KHDRBS2: variants seen among roughly 807,000 people sequenced by gnomAD.
KHDRBS2 encodes KH domain-containing, RNA-binding, signal transduction-associated protein 2.
KHDRBS2 carries 26 observed loss-of-function variants against 44.3 expected under a neutral mutation model. That is an observed-to-expected ratio of 0.59 (90% CI 0.43 to 0.81). KHDRBS2 has a LOEUF of 0.81. Among genes scored for constraint, KHDRBS2 ranks in the 40% least tolerant of loss-of-function variants. KHDRBS2 has a pLI of 0.00. For synonymous variants in KHDRBS2, 194 were observed against 151.1 expected, an observed-to-expected ratio of 1.28 and a Z score of -2.08; for missense variants, 476 against 433.1, an observed-to-expected ratio of 1.10 and a Z score of -0.88.
chr6:61,873,377 C>A (rs1207662157), intron 6 of KHDRBS2, among the ~76,000 whole-genome samples: 1 of 151,306 alleles, frequency 6.6e-6, no homozygotes, highest in Admixed American at 6.6e-5. Flanking sequence ...GTAGCAACAC[C>A]CAATAAATTT....
At chr6:62,131,302 CTTAA>C (rs1810259555) in intron 2 of KHDRBS2, among the ~76,000 whole-genome samples, 1 of 152,118 alleles carries the variant, frequency 6.6e-6, no homozygotes, top group Non-Finnish European at 1.5e-5. Flanking sequence ...GAAATATTTC[CTTAA>C]TTAAATCGTT....
chr6:61,967,502 T>C (rs1471042846), intron 4 of KHDRBS2, among the ~76,000 whole-genome samples: 1 of 151,772 alleles, frequency 6.6e-6, no homozygotes, highest in Non-Finnish European at 1.5e-5. Flanking sequence ...GGGTGGGCTG[T>C]AGCTGAAAGG....
chr6:62,068,279 T>C (rs1346388631), intron 2 of KHDRBS2, among the ~76,000 whole-genome samples: 2 of 151,614 alleles, frequency 1.3e-5, no homozygotes, highest in African/African-American at 2.4e-5. Flanking sequence ...GAAAATGATA[T>C]TGAACATCTT....
intron 6 of KHDRBS2, among the ~76,000 whole-genome samples, chr6:61,792,200 A>G (rs78504238): frequency 0.064 from 9,748 of 151,616 alleles, 407 homozygotes; most frequent in Middle Eastern, 0.13. Context: ...ACTTTACAAC[A>G]TTAGAACATT....
the KHDRBS2 span, among the ~76,000 whole-genome samples, chr6:61,605,558 C>A: frequency 6.6e-6 from 1 of 152,040 alleles, no homozygotes; most frequent in Non-Finnish European, 1.5e-5. Flanking sequence ...TTTTTTAATT[C>A]ATATAAAACC....
chr6:61,976,332 A>G (rs1370877239), intron 4 of KHDRBS2, among the ~76,000 whole-genome samples: 3 of 152,260 alleles, frequency 2.0e-5, no homozygotes, highest in South Asian at 4.1e-4. Flanking sequence ...CACACAGTAT[A>G]TATTTCAGTG....
At chr6:61,635,715 C>A in the KHDRBS2 span, among the ~76,000 whole-genome samples, 1 of 151,990 alleles carries the variant, frequency 6.6e-6, no homozygotes, top group African/African-American at 2.4e-5. Flanking sequence ...TACATACCTA[C>A]TATCCATGTT....
chr6:62,098,838 A>AT (rs1801227665), intron 2 of KHDRBS2, among the ~76,000 whole-genome samples: 1 of 151,566 alleles, frequency 6.6e-6, no homozygotes, highest in Non-Finnish European at 1.5e-5. Context: ...CCTTTATATT[A>AT]TTTTTTCCCC....
chr6:61,620,685 C>G, the KHDRBS2 span, among the ~76,000 whole-genome samples: 3 of 152,232 alleles, frequency 2.0e-5, no homozygotes, highest in African/African-American at 7.2e-5. Context: ...CCTCCATCTG[C>G]TGCTTCTTCC....
intron 4 of KHDRBS2, among the ~76,000 whole-genome samples, chr6:61,921,057 A>G (rs1807982519): frequency 6.6e-6 from 1 of 152,012 alleles, no homozygotes; most frequent in Non-Finnish European, 1.5e-5. Context: ...AAGAACAGAA[A>G]TGCTCAAGAA....
intron 4 of KHDRBS2, among the ~76,000 whole-genome samples, chr6:61,940,466 T>C (rs1811924242): frequency 6.6e-6 from 1 of 152,120 alleles, no homozygotes; most frequent in Non-Finnish European, 1.5e-5. Context: ...GCAATGGAAC[T>C]GCTCCAGGGA....
chr6:61,822,576 C>T lies in KHDRBS2; in HGVS notation c.810+72059G>A, dbSNP rs144038112. Among the ~76,000 whole-genome samples, 310 of 152,116 alleles carry T rather than the reference C, an allele frequency of 2.0e-3. 1 individual carries two copies. The highest frequency in any genetic ancestry group is 3.7e-3 in the Non-Finnish European group (251 of 67,938). On this transcript the variant is annotated intron_variant, in intron 6 of 8. Transcript: ENST00000281156. ...ATTCTAGCATACTTAAAAATCTTCT[C>T]ATGGTTTTCCATGATTCTTAGGATG... is the stretch of plus-strand genomic sequence containing the variant.
intron 3 of KHDRBS2, among the ~76,000 whole-genome samples, chr6:62,016,849 A>C (rs1781302523): frequency 6.6e-6 from 1 of 151,962 alleles, no homozygotes; most frequent in African/African-American, 2.4e-5. Flanking sequence ...ACTTCTTCAA[A>C]GGTAGGGTGT....
At chr6:61,911,904 GCATACTATT>G (rs1244323731) in intron 4 of KHDRBS2, among the ~76,000 whole-genome samples, 1 of 151,360 alleles carries the variant, frequency 6.6e-6, no homozygotes, top group East Asian at 1.9e-4. Flanking sequence ...AAAACACCCT[GCATACTATT>G]CATACTATTC....
At chr6:61,803,502 A>C (rs1478350011) in intron 6 of KHDRBS2, among the ~76,000 whole-genome samples, 1 of 152,150 alleles carries the variant, frequency 6.6e-6, no homozygotes, top group Non-Finnish European at 1.5e-5. Context: ...ATATGCCAGG[A>C]ATTGTTCATG....
chr6:61,876,503 TA>T (rs34268462), intron 6 of KHDRBS2, among the ~76,000 whole-genome samples: 1 of 151,568 alleles, frequency 6.6e-6, no homozygotes, highest in African/African-American at 2.4e-5. Context: ...TACATTCTTC[TA>T]AAAAAATATG....
intron 4 of KHDRBS2, among the ~76,000 whole-genome samples, chr6:61,929,354 T>C (rs1809584885): frequency 6.6e-6 from 1 of 152,216 alleles, no homozygotes; most frequent in African/African-American, 2.4e-5. Context: ...ACAGGTGTGA[T>C]AGAGGCCAAA....
chr6:61,811,281 A>G (rs1365558261), intron 6 of KHDRBS2, among the ~76,000 whole-genome samples: 8 of 152,048 alleles, frequency 5.3e-5, no homozygotes, highest in Non-Finnish European at 1.0e-4. Flanking sequence ...TGCGAAAAAC[A>G]TGGTCCTTTT....
intron 3 of KHDRBS2, among the ~76,000 whole-genome samples, chr6:62,026,886 A>C (rs1159080656): frequency 6.6e-6 from 1 of 151,992 alleles, no homozygotes; most frequent in African/African-American, 2.4e-5. Context: ...AATTTTTTTT[A>C]TTAGTGTGTC....
Sources: allele counts gnomAD v4.1 joint callset (sites outside exome capture counted in the v4.1 genomes callset), GRCh38; gene constraint gnomAD v4.1.1; transcripts MANE v1.5; gene names NCBI Gene and HGNC (gene_info 2026-07-23, HGNC 2026-07-21).